C1orf87: variants seen among roughly 807,000 people sequenced by gnomAD.
C1orf87 encodes the protein chromosome 1 open reading frame 87, also known as uncharacterized protein C1orf87.
Under a neutral mutation model 60.5 loss-of-function variants are expected in C1orf87, and 58 were observed. The observed-to-expected ratio is 0.96, with a 90% CI of 0.78 to 1.19. C1orf87 has a LOEUF of 1.19. Among genes scored for constraint, C1orf87 ranks in the 50% most tolerant of loss-of-function variants. The probability of loss-of-function intolerance (pLI) is 0.00; values close to 1 mark genes in which losing one functional copy is unlikely to be tolerated. For synonymous variants in C1orf87, 236 were observed against 227.4 expected (o/e 1.04, Z -0.34); for missense variants, 673 against 638.6 (o/e 1.05, Z -0.58).
At chr1:60,014,422 A>T (rs78620709) in intron 8 of C1orf87, among the ~76,000 whole-genome samples, 1,932 of 152,240 alleles carry the variant, frequency 0.013, 29 homozygotes, top group African/African-American at 0.044. Flanking sequence ...CTGACACTAG[A>T]GTCCCTGTTA....
chr1:60,015,431 A>G (rs998594352), intron 8 of C1orf87, among the ~76,000 whole-genome samples: 3 of 152,218 alleles, frequency 2.0e-5, no homozygotes, highest in African/African-American at 7.2e-5. Flanking sequence ...TTGTTATAGC[A>G]GTCCAAATGG....
At chr1:60,056,448 A>C (rs1237868021) in intron 2 of C1orf87, among the ~76,000 whole-genome samples, 1 of 152,228 alleles carries the variant, frequency 6.6e-6, no homozygotes, top group East Asian at 1.9e-4. Context: ...CTAAATATTT[A>C]GTAATAGGTG....
At position 60,001,125 on chromosome 1, in the gene C1orf87, T is replaced by G; in HGVS notation, c.1224A>C (p.Pro408=). Reference sequence around the variant, plus strand: ...ACATCTCGGGGACTTCAGGCTCCATTGGAGGGGCAGGGGCTTTCTTTTCAT... The same window carrying G: ...ACATCTCGGGGACTTCAGGCTCCATGGGAGGGGCAGGGGCTTTCTTTTCAT... ...GKNEKKAPAP[P]MEPEVPEMSQ... Residue 408 remains proline (P), a synonymous_variant, in exon 10 of 12, where the codon CCA becomes CCC. Transcript: ENST00000371201. The G allele has an allele frequency of 6.2e-7, 1 of 1,604,420 alleles. No individual in the cohort carries two copies.
intron 2 of C1orf87, among the ~76,000 whole-genome samples, chr1:60,062,191 C>G (rs572766369): frequency 6.6e-6 from 1 of 152,256 alleles, no homozygotes; most frequent in South Asian, 2.1e-4. Context: ...AGCTGCTAGC[C>G]CATGATTCCT....
chr1:60,040,795 G>T (rs1374854457), intron 4 of C1orf87, among the ~76,000 whole-genome samples, 196 bp downstream of exon 4: 4 of 125,284 alleles, frequency 3.2e-5, no homozygotes, highest in African/African-American at 6.1e-5. Context: ...GTCTCACTAT[G>T]TTGTCCAGGC....
At chr1:60,020,378 T>G (rs1645154861) in intron 8 of C1orf87, among the ~76,000 whole-genome samples, 2 of 152,112 alleles carry the variant, frequency 1.3e-5, no homozygotes, top group Non-Finnish European at 2.9e-5. Flanking sequence ...ACCGTGTGCT[T>G]GGAAAAGCCA....
intron 8 of C1orf87, among the ~76,000 whole-genome samples, chr1:60,019,705 G>A (rs1455822225): frequency 6.6e-6 from 1 of 152,162 alleles, no homozygotes; most frequent in Non-Finnish European, 1.5e-5. Flanking sequence ...GGAACTTTTT[G>A]GGAAATGGAG....
At chr1:60,030,875 T>C (rs1645233237) in intron 7 of C1orf87, among the ~76,000 whole-genome samples, 1 of 152,250 alleles carries the variant, frequency 6.6e-6, no homozygotes, top group Non-Finnish European at 1.5e-5. Context: ...TATATGCTTC[T>C]ATACTGATCT....
At chr1:60,021,720 G>A (rs1557463878) in intron 8 of C1orf87, among the ~76,000 whole-genome samples, 1 of 152,122 alleles carries the variant, frequency 6.6e-6, no homozygotes, top group Non-Finnish European at 1.5e-5. Context: ...TGTCTGTCAG[G>A]GAGATACAGA....
In C1orf87 at chr1:60,001,073, A is replaced by C. The variant is rs1427853407; in HGVS notation, c.1272+4T>G. On this transcript the variant is annotated splice_donor_region_variant and intron_variant, in intron 10 of 11. Transcript: ENST00000371201. ...CCCAAACTCTATATACCCCAGGTGC[A>C]TACCATATGTTCAGTTTTGCTTTGA... 1 of 1,606,962 alleles carries C rather than the reference A, an allele frequency of 6.2e-7. No homozygotes were observed. The highest frequency in any genetic ancestry group is 8.5e-7 in the Non-Finnish European group (1 of 1,175,032).
intron 5 of C1orf87, among the ~76,000 whole-genome samples, chr1:60,038,327 G>A (rs1378097016): frequency 6.6e-6 from 1 of 151,872 alleles, no homozygotes; most frequent in Non-Finnish European, 1.5e-5. Context: ...CTTCTGGTTG[G>A]GTAAGGCCAT....
intron 3 of C1orf87, among the ~76,000 whole-genome samples, chr1:60,052,148 C>T (rs926805651): frequency 6.6e-6 from 1 of 152,144 alleles, no homozygotes; most frequent in Non-Finnish European, 1.5e-5. Flanking sequence ...GAAACCTTCC[C>T]AATAAACTGT....
chr1:60,020,654 C>T (rs746017122), intron 8 of C1orf87, among the ~76,000 whole-genome samples: 8 of 152,144 alleles, frequency 5.3e-5, no homozygotes, highest in Non-Finnish European at 1.2e-4. Context: ...TGCCTGTACT[C>T]CCACTGTATC....
chr1:60,025,986 A>T (rs1645195875), intron 7 of C1orf87, among the ~76,000 whole-genome samples: 1 of 152,220 alleles, frequency 6.6e-6, no homozygotes, highest in African/African-American at 2.4e-5. Context: ...CATAGCTAAT[A>T]AGTTATGGAA....
intron 8 of C1orf87, among the ~76,000 whole-genome samples, chr1:60,012,190 A>C (rs181835530): frequency 6.6e-6 from 1 of 151,026 alleles, no homozygotes; most frequent in Non-Finnish European, 1.5e-5. Flanking sequence ...AAAAAAAAAC[A>C]CAAAACAACA....
chr1:60,004,724 T>C (rs1254825267), intron 9 of C1orf87, among the ~76,000 whole-genome samples: 2 of 151,928 alleles, frequency 1.3e-5, no homozygotes, highest in Non-Finnish European at 2.9e-5. Flanking sequence ...ATAATAACCA[T>C]CTGTCTAGTC....
chr1:60,059,281 G>A (rs1325100139), intron 2 of C1orf87, among the ~76,000 whole-genome samples: 2 of 152,122 alleles, frequency 1.3e-5, no homozygotes, highest in Non-Finnish European at 2.9e-5. Context: ...CATTTCAAAA[G>A]AAGGGGGGAA....
chr1:60,017,661 C>T (rs1262864889), intron 8 of C1orf87, among the ~76,000 whole-genome samples: 1 of 152,148 alleles, frequency 6.6e-6, no homozygotes, highest in Non-Finnish European at 1.5e-5. Context: ...ACATTAAATG[C>T]TAATTCTGAT....
chr1:59,994,905 T>C (rs1644952498), intron 11 of C1orf87, among the ~76,000 whole-genome samples: 1 of 152,202 alleles, frequency 6.6e-6, no homozygotes, highest in African/African-American at 2.4e-5. Context: ...CTAAGTACTG[T>C]GGGTTAATAA....
Sources: gnomAD v4.1 joint callset for allele counts (sites outside exome capture counted in the v4.1 genomes callset) on GRCh38, gnomAD v4.1.1 for gene constraint, MANE v1.5 for transcripts, NCBI Gene and HGNC (gene_info 2026-07-23, HGNC 2026-07-21) for gene names.